ATP2C2: variants seen among roughly 807,000 people sequenced by gnomAD.
ATP2C2 encodes the protein calcium-transporting ATPase type 2C member 2.
In ATP2C2, 171 loss-of-function variants were observed where a neutral mutation model predicts 110.8. The observed-to-expected ratio is 1.54, with a 90% confidence interval of 1.36 to 1.75. The LOEUF (loss-of-function observed/expected upper bound fraction) is 1.75. Among genes scored for constraint, ATP2C2 ranks in the 40% most tolerant of loss-of-function variants. The pLI is 0.00. For synonymous variants in ATP2C2, 804 were observed against 508.4 expected, an observed-to-expected ratio of 1.58 and a Z score of -7.82; for missense variants, 1,963 against 1,235.0, an observed-to-expected ratio of 1.59 and a Z score of -8.84.
chr16:84,393,031 G>C (rs1424251121), intron 1 of ATP2C2, among the ~76,000 whole-genome samples: 7 of 152,180 alleles, frequency 4.6e-5, no homozygotes, highest in African/African-American at 1.7e-4. Context: ...GAGTGCCTCA[G>C]CTTCAAGGTG....
intron 23 of ATP2C2, 185 bp downstream of exon 23, chr16:84,459,571 G>A: frequency 4.6e-6 from 7 of 1,536,554 alleles, no homozygotes; most frequent in Non-Finnish European, 5.2e-6. Flanking sequence ...AGAGGAGAAA[G>A]TACCTGGGCC....
chr16:84,425,791 A>G lies in ATP2C2; in HGVS notation c.976A>G (p.Ile326Val), dbSNP rs780472941. Residue 326 changes from isoleucine (I) to valine (V), a missense_variant, in exon 11 of 27, where the codon ATC becomes GTC. Coordinates refer to ENST00000262429, the MANE Select transcript of ATP2C2 (RefSeq NM_014861.4). ...QGKQLLSMFT[I>V]GVSLAVAAIP... ...GAAACAACTCCTGAGTATGTTCACG[A>G]TCGGGGTCAGGTAAGAGTGCTATGG... The G allele has an allele frequency of 6.2e-7, 1 of 1,614,022 alleles. No homozygotes were observed. The highest frequency in any genetic ancestry group is 1.3e-5 in the African/African-American group (1 of 74,902).
At position 84,453,228 on chromosome 16, in the gene ATP2C2, T is replaced by TGGGGAAGGTGG. The variant is rs1910466639; in HGVS notation, c.1924_1929+5dup. ...GAGAAGGGCGAGCTGGCCGACCGCG[T>TGGGGAAGGTGG]GGGGAAGGTGGGTCCCCGGAGGCTT... On this transcript the variant is annotated frameshift_variant, in exon 19 of 27. Transcript: ENST00000262429. LOFTEE classifies it high-confidence loss of function. 1.2e-6 allele frequency: 2 copies of TGGGGAAGGTGG among 1,613,996 alleles called. No homozygotes were observed. The highest frequency in any genetic ancestry group is 8.5e-7 in the Non-Finnish European group (1 of 1,179,914).
Position 84,383,735 on chromosome 16 carries a change from C to CTGTG in ATP2C2, c.100-14752_100-14749dup, listed in dbSNP as rs143797673. 9.4e-5 allele frequency among the ~76,000 whole-genome samples: 13 copies of CTGTG among 137,692 alleles called. No individual in the cohort carries two copies. In the East Asian group the frequency reaches 1.0e-3, roughly 11 times the overall value. The allele number at this position is 137,692 out of a possible 152,430, so 90.3% of individuals were successfully genotyped here. On this transcript the variant is annotated intron_variant, in intron 1 of 26. Coordinates refer to ENST00000262429, the MANE Select transcript of ATP2C2 (RefSeq NM_014861.4). Reference sequence around the variant, plus strand: ...GATGCTGTATTATTTCTGAATACATCTGTGTGTGTGTGTGTATGTGTGTGT... The same window carrying CTGTG: ...GATGCTGTATTATTTCTGAATACATCTGTGTGTGTGTGTGTGTGTATGTGTGTGT...
intron 1 of ATP2C2, among the ~76,000 whole-genome samples, chr16:84,378,280 C>T (rs1442489433): frequency 1.3e-5 from 2 of 152,096 alleles, no homozygotes; most frequent in Admixed American, 6.5e-5. Flanking sequence ...TCTGAGTGGC[C>T]ACTCTTAACC....
chr16:84,377,051 T>C (rs1351337099), intron 1 of ATP2C2, among the ~76,000 whole-genome samples: 1 of 152,186 alleles, frequency 6.6e-6, no homozygotes, highest in Non-Finnish European at 1.5e-5. Context: ...TCTCACATGA[T>C]GGTGATAAGA....
chr16:84,452,524 A>C (rs1275857669), intron 18 of ATP2C2, among the ~76,000 whole-genome samples: 6 of 95,440 alleles, frequency 6.3e-5, no homozygotes, highest in African/African-American at 2.5e-4. Flanking sequence ...TTTGAGATGG[A>C]GTCTTGTTCT....
intron 11 of ATP2C2, 193 bp downstream of exon 11, chr16:84,425,994 T>C: frequency 1.6e-6 from 1 of 620,610 alleles, no homozygotes; most frequent in South Asian, 1.9e-5. Flanking sequence ...GCTTGCAAAA[T>C]GAATGACAGC....
At position 84,408,458 on chromosome 16, in the gene ATP2C2, C is replaced by T. The variant is rs180963558; in HGVS notation, c.381C>T (p.Leu127=). 1,069 of 1,613,798 alleles carry T rather than the reference C, an allele frequency of 6.6e-4. 1 individual carries two copies. Among genetic ancestry groups the T allele is most frequent in the Non-Finnish European group, 8.6e-4 (1,020 of 1,180,004 alleles). The change falls in exon 4 of 27, where the codon CTC becomes CTT. Residue 127 remains leucine, a synonymous_variant. Coordinates refer to ENST00000262429, the MANE Select transcript of ATP2C2 (RefSeq NM_014861.4). The stretch of plus-strand genomic sequence containing the variant: ...TGGGCTCTGCCCTGGTGAGTGTCCT[C>T]ACCAAGGAGTATGAGGACGCCGTCA... ...LLLGSALVSV[L]TKEYEDAVSI...
chr16:84,390,157 G>A (rs1189769690), intron 1 of ATP2C2, among the ~76,000 whole-genome samples: 1 of 152,250 alleles, frequency 6.6e-6, no homozygotes, highest in Admixed American at 6.5e-5. Flanking sequence ...GTCTGCATAA[G>A]CCCTCTAACA....
intron 2 of ATP2C2, among the ~76,000 whole-genome samples, chr16:84,403,728 T>A (rs1370278928): frequency 6.6e-6 from 1 of 152,048 alleles, no homozygotes; most frequent in Admixed American, 6.6e-5. Context: ...TTCCTTCTTG[T>A]TGCCCAGGCT....
chr16:84,435,440 C>G (rs1303127736), intron 11 of ATP2C2, among the ~76,000 whole-genome samples: 1 of 152,194 alleles, frequency 6.6e-6, no homozygotes, highest in African/African-American at 2.4e-5. Context: ...TAGGCCAGCG[C>G]AGGCCTAAGC....
intron 7 of ATP2C2, among the ~76,000 whole-genome samples, chr16:84,418,647 A>T (rs1046036485): frequency 6.6e-6 from 1 of 152,134 alleles, no homozygotes; most frequent in African/African-American, 2.4e-5. Context: ...GCGCAGTCAC[A>T]CGGCAGTGGG....
intron 11 of ATP2C2, among the ~76,000 whole-genome samples, chr16:84,430,018 T>A (rs1377560779): frequency 6.6e-6 from 1 of 152,038 alleles, no homozygotes; most frequent in Non-Finnish European, 1.5e-5. Flanking sequence ...TGTCTCTGCG[T>A]CTCTTCTCTT....
At position 84,463,810 on chromosome 16, in the gene ATP2C2, G is replaced by A. The variant is rs777105154; in HGVS notation, c.*78G>A. The A allele has an allele frequency of 2.0e-5, 27 of 1,322,264 alleles. No individual in the cohort carries two copies. In the Admixed American group the frequency reaches 3.4e-4, roughly 16 times the overall value. 81.9% of individuals were successfully genotyped at this position (1,322,264 alleles called of 1,614,324 possible). A position where few individuals can be genotyped will look rare whatever the true frequency, so the allele number is the denominator to read the frequency against. ...TGGCCCCTGCCGTGTCTCCTCGTCA[G>A]GGGAGACTTTTAGGAGGCCGCAGCC... On this transcript the variant is annotated 3_prime_UTR_variant, in exon 27 of 27. Transcript: ENST00000262429.
At chr16:84,412,472 C>G (rs891642420) in intron 6 of ATP2C2, among the ~76,000 whole-genome samples, 1 of 137,020 alleles carries the variant, frequency 7.3e-6, no homozygotes, top group Non-Finnish European at 1.6e-5. Context: ...GTGTGTGTGT[C>G]TGTGCATGTG....
chr16:84,385,079 C>T (rs547725104), intron 1 of ATP2C2, among the ~76,000 whole-genome samples: 9 of 152,178 alleles, frequency 5.9e-5, no homozygotes, highest in African/African-American at 1.9e-4. Flanking sequence ...GAAGAAATAC[C>T]TGAGACTGTG....
Position 84,415,717 on chromosome 16 carries a change from A to G in ATP2C2, c.624+126A>G, listed in dbSNP as rs533090346. 9 of 711,256 alleles carry G rather than the reference A, an allele frequency of 1.3e-5. No homozygotes were observed. The South Asian group carries it at 1.5e-4, about 12-fold the overall frequency. The allele number at this position is 711,256 out of a possible 1,614,324, so 44.1% of individuals were successfully genotyped here. ...CATGCTCAAACATACATGCACATGC[A>G]TACACACAAGACAGGAAGTTAGCAG... On this transcript the variant is annotated intron_variant, in intron 7 of 26. Transcript: ENST00000262429.
intron 1 of ATP2C2, among the ~76,000 whole-genome samples, chr16:84,387,957 G>C (rs1359691884): frequency 6.6e-6 from 1 of 151,498 alleles, no homozygotes; most frequent in African/African-American, 2.4e-5. Flanking sequence ...GCACCTGGGG[G>C]CTTGTGGAGC....
Sources: allele counts gnomAD v4.1 joint callset (sites outside exome capture counted in the v4.1 genomes callset), GRCh38; gene constraint gnomAD v4.1.1; transcripts MANE v1.5; gene names NCBI Gene and HGNC (gene_info 2026-07-23, HGNC 2026-07-21).